SGCB: variants seen among roughly 807,000 people sequenced by gnomAD.
SGCB encodes the protein beta-sarcoglycan.
SGCB carries 25 observed loss-of-function variants against 27.3 expected under a neutral mutation model. The ratio of observed to expected loss-of-function variants is 0.92; its 90% CI spans 0.67 to 1.28. SGCB has a LOEUF of 1.28. Among genes scored for constraint, SGCB ranks in the 50% most tolerant of loss-of-function variants. The pLI, the probability that SGCB is intolerant of heterozygous loss-of-function variation, is 0.00. For synonymous variants in SGCB, 147 were observed against 133.5 expected (o/e 1.10, Z -0.70); for missense variants, 436 against 402.1 (o/e 1.08, Z -0.72).
intron 4 of SGCB, among the ~76,000 whole-genome samples, chr4:52,028,409 G>A (rs922204232): frequency 6.6e-6 from 1 of 152,106 alleles, no homozygotes; most frequent in Admixed American, 6.5e-5. Context: ...AGGCCGAGAC[G>A]GGCGGATCAC....
intron 1 of SGCB, 130 bp downstream of exon 1, chr4:52,038,096 AT>A: frequency 9.9e-5 from 13 of 131,144 alleles, no homozygotes; most frequent in Non-Finnish European, 1.7e-4. Context: ...CCCCGCCCCG[AT>A]CGGCCCCGCC....
intron 1 of SGCB, among the ~76,000 whole-genome samples, chr4:52,037,909 G>A (rs1156700921): frequency 6.6e-6 from 1 of 152,136 alleles, no homozygotes; most frequent in Non-Finnish European, 1.5e-5. Context: ...TACGTCCCTG[G>A]CACGTCCCAG....
chr4:52,027,850 C>A, intron 5 of SGCB, 118 bp downstream of exon 5: 1 of 971,428 alleles, frequency 1.0e-6, no homozygotes, highest in African/African-American at 1.6e-5. Context: ...CTTTGAACAT[C>A]TTTCCATGTC....
rs762277974 is a variant in SGCB at position 52,033,396 on chromosome 4, T to C, written c.243+35A>G. The C allele has an allele frequency of 2.9e-6, 4 of 1,388,396 alleles. No individual in the cohort carries two copies. In the Admixed American group the frequency reaches 5.0e-5, roughly 17 times the overall value. The allele number at this position is 1,388,396 out of a possible 1,614,324, so 86.0% of individuals were successfully genotyped here. A position where few individuals can be genotyped will look rare whatever the true frequency, so the allele number is the denominator to read the frequency against. ...TATAAAGCAGATAAAAAATTCCCCA[T>C]GGCAATTAAAATGAGTATTCTTACA... is the stretch of plus-strand genomic sequence containing the variant. On this transcript the variant is annotated intron_variant, in intron 2 of 5. Transcript: ENST00000381431.
At chr4:52,024,266 G>A in intron 5 of SGCB, 106 bp from the exon 6 acceptor site, 1 of 846,634 alleles carries the variant, frequency 1.2e-6, no homozygotes. Flanking sequence ...CAAGCAGTAA[G>A]AAAGAGTAAA....
rs183259387 is a variant in SGCB, at chr4:52,023,653, T to C, written c.*304A>G. ...TGAATCTAAACAGCTGCTTCAGACC[T>C]TTAACCTTTAGAAAAGGGATAGTGG... On this transcript the variant is annotated 3_prime_UTR_variant, in exon 6 of 6. Transcript: ENST00000381431. 58 of 343,666 alleles carry C rather than the reference T, an allele frequency of 1.7e-4. No homozygotes were observed. The highest frequency in any genetic ancestry group is 1.1e-3 in the African/African-American group (51 of 47,232). 21.3% of individuals were successfully genotyped at this position (343,666 alleles called of 1,614,324 possible).
At chr4:52,033,666 A>C (rs1432965806) in intron 1 of SGCB, 26 bp from the exon 2 acceptor site, 22 of 1,541,328 alleles carry the variant, frequency 1.4e-5, no homozygotes, top group Non-Finnish European at 2.0e-5. Context: ...AACATAATGG[A>C]ACAGCTATAC....
chr4:52,038,265 C>A lies in SGCB; in HGVS notation c.-6G>T, dbSNP rs1737457573. The A allele has an allele frequency of 2.3e-6, 3 of 1,295,194 alleles. No homozygotes were observed. Among genetic ancestry groups the A allele is most frequent in the Non-Finnish European group, 2.0e-6 (2 of 1,019,378 alleles). The allele number at this position is 1,295,194 out of a possible 1,614,324, so 80.2% of individuals were successfully genotyped here. On this transcript the variant is annotated 5_prime_UTR_variant, in exon 1 of 6. Transcript: ENST00000381431. ...GCCGCCGCCGCTGCCGCCATCTTCC[C>A]GCGCCCGCCGCCGCCGAGCTCCCCG... is the stretch of plus-strand genomic sequence containing the variant.
intron 1 of SGCB, among the ~76,000 whole-genome samples, chr4:52,037,395 G>T (rs1290016219): frequency 2.6e-5 from 4 of 152,086 alleles, no homozygotes; most frequent in Non-Finnish European, 5.9e-5. Flanking sequence ...GTCAAAACTT[G>T]ACTCATTTTT....
At chr4:52,024,270 G>C (rs1201503295) in intron 5 of SGCB, 110 bp from the exon 6 acceptor site, 4 of 814,130 alleles carry the variant, frequency 4.9e-6, no homozygotes, top group African/African-American at 1.7e-5. Context: ...CAGTAAGAAA[G>C]AGTAAAGTCA....
chr4:52,023,980 T>G lies in SGCB; in HGVS notation c.934A>C (p.Asn312His). 6.2e-7 allele frequency: 1 copy of G among 1,614,170 alleles called. No individual in the cohort carries two copies. Among genetic ancestry groups the G allele is most frequent in the Non-Finnish European group, 8.5e-7 (1 of 1,180,022 alleles). ...TTTTAATGAGTGTTTCCACAGGGGT[T>G]GTCTGAGATTTGGCAGCCCATGTTC... ...SQNMGCQISDNPCGNTH is the reference protein window; with the variant it reads ...SQNMGCQISDHPCGNTH The change falls in exon 6 of 6, where the codon AAC (asparagine) becomes CAC (histidine). Residue 312 changes from asparagine (N) to histidine (H), a missense_variant. Asn to His is a moderately conservative substitution (Grantham distance 68). Transcript: ENST00000381431.
At chr4:52,026,184 T>C (rs1737087235) in intron 5 of SGCB, among the ~76,000 whole-genome samples, 1 of 152,108 alleles carries the variant, frequency 6.6e-6, no homozygotes, top group South Asian at 2.1e-4. Context: ...AGTTTTCCAA[T>C]TTGTTCCAAT....
rs999398295 is a variant in SGCB, at chr4:52,028,119, G to T, written c.622-20C>A. The T allele has an allele frequency of 1.0e-5, 16 of 1,579,602 alleles. No homozygotes were observed. Among genetic ancestry groups the T allele is most frequent in the African/African-American group, 1.3e-5 (1 of 74,338 alleles). ...GGTAATCTGAAAATTTAAAAAACAA[G>T]TACTAAAAAGAGTTTCTAAATTAAT... is the stretch of plus-strand genomic sequence containing the variant. On this transcript the variant is annotated intron_variant, in intron 4 of 5. Coordinates refer to ENST00000381431, the MANE Select transcript of SGCB (RefSeq NM_000232.5).
At chr4:52,028,635 C>CAAA in intron 4 of SGCB, 95 bp downstream of exon 4, 4 of 874,648 alleles carry the variant, frequency 4.6e-6, no homozygotes, top group Non-Finnish European at 5.2e-6. Flanking sequence ...AACTCCGTCT[C>CAAA]AAAAAAAAAA....
At chr4:52,025,038 AC>A (rs548819597) in intron 5 of SGCB, among the ~76,000 whole-genome samples, 14 of 151,840 alleles carry the variant, frequency 9.2e-5, no homozygotes, top group African/African-American at 3.4e-4. Context: ...GACTCTTAGG[AC>A]TCTCTTGCTT....
rs533352624 is a variant in SGCB at position 52,035,618 on chromosome 4, C to T, written c.34-1978G>A. Reference sequence around the variant, plus strand: ...AGTGTTAAAGGTGTGGGCATTTGTACGAGAGAGAAGAAAGAGGAGTACCAG... The same window carrying T: ...AGTGTTAAAGGTGTGGGCATTTGTATGAGAGAGAAGAAAGAGGAGTACCAG... On this transcript the variant is annotated intron_variant, in intron 1 of 5. Transcript: ENST00000381431. Among the ~76,000 whole-genome samples the T allele has an allele frequency of 2.6e-5, 4 of 151,972 alleles. No individual in the cohort carries two copies. The South Asian group carries it at 6.3e-4, about 24-fold the overall frequency.
chr4:52,027,860 C>A lies in SGCB; in HGVS notation c.753+108G>T, dbSNP rs531460427. 3 of 1,091,848 alleles carry A rather than the reference C, an allele frequency of 2.7e-6. No individual in the cohort carries two copies. In the African/African-American group the frequency reaches 4.7e-5, roughly 17 times the overall value. The allele number at this position is 1,091,848 out of a possible 1,614,324, so 67.6% of individuals were successfully genotyped here. On this transcript the variant is annotated intron_variant, in intron 5 of 5. Coordinates refer to ENST00000381431, the MANE Select transcript of SGCB (RefSeq NM_000232.5). ...ACCCACTTTGAACATCTTTCCATGTCAAAAAATAGACAATTATATCATTTT... is the reference window on the plus strand; with the variant it reads ...ACCCACTTTGAACATCTTTCCATGTAAAAAAATAGACAATTATATCATTTT...
In SGCB at chr4:52,033,475, A is replaced by G. The variant is rs768545658; in HGVS notation, c.199T>C (p.Cys67Arg). The change falls in exon 2 of 6, where the codon TGT becomes CGT. Residue 67 changes from cysteine (C) to arginine (R), a missense_variant. Coordinates refer to ENST00000381431, the MANE Select transcript of SGCB (RefSeq NM_000232.5). ...LRGRKGNLAI[C>R]VIILLFILAV... ...AGGATAAACAAGAGGATAATCACAC[A>G]GATGGCTAAATTGCCCTTTCTTCCT... The G allele has an allele frequency of 5.6e-6, 9 of 1,613,696 alleles. No homozygotes were observed. Among genetic ancestry groups the G allele is most frequent in the Middle Eastern group, 3.3e-4 (2 of 6,082 alleles).
intron 4 of SGCB, 80 bp from the exon 5 acceptor site, chr4:52,028,179 C>T (rs2109370239): frequency 8.7e-7 from 1 of 1,149,640 alleles, no homozygotes; most frequent in South Asian, 1.3e-5. Flanking sequence ...GAAATAGAAG[C>T]TTCAGTCATG....
Sources: allele counts gnomAD v4.1 joint callset (sites outside exome capture counted in the v4.1 genomes callset), GRCh38; gene constraint gnomAD v4.1.1; transcripts MANE v1.5; gene names NCBI Gene and HGNC (gene_info 2026-07-23, HGNC 2026-07-21).